Variants in CACNA1B observed in about 807,000 individuals in gnomAD.
The protein encoded by CACNA1B is calcium voltage-gated channel subunit alpha1 B.
Under a neutral mutation model 247.2 loss-of-function variants are expected in CACNA1B, and 70 were observed. The observed-to-expected ratio is 0.28, with a 90% confidence interval of 0.23 to 0.35. The LOEUF (loss-of-function observed/expected upper bound fraction) is 0.35. Ranked by LOEUF, CACNA1B falls within the 10% of genes least tolerant of loss-of-function variation. CACNA1B has a pLI of 1.00. For synonymous variants in CACNA1B, 1,231 were observed against 1,294.4 expected (o/e 0.95, Z 1.05); for missense variants, 2,367 against 3,197.4 (o/e 0.74, Z 6.26).
intron 15 of CACNA1B, among the ~76,000 whole-genome samples, chr9:138,003,716 C>G (rs1958610125): frequency 6.7e-6 from 1 of 149,466 alleles, no homozygotes; most frequent in South Asian, 2.1e-4. Context: ...GGTTGAAAGG[C>G]AGGGCACAGA....
intron 15 of CACNA1B, among the ~76,000 whole-genome samples, chr9:137,995,098 CTTG>C (rs1419751027): frequency 2.0e-5 from 3 of 151,650 alleles, no homozygotes; most frequent in Non-Finnish European, 2.9e-5. Flanking sequence ...ATCCCAGCTA[CTTG>C]GAAGGCTGAG....
intron 20 of CACNA1B, among the ~76,000 whole-genome samples, chr9:138,036,285 G>A (rs932419050): frequency 3.7e-4 from 57 of 152,156 alleles, no homozygotes; most frequent in Non-Finnish European, 6.6e-4. Flanking sequence ...GACTACAGGC[G>A]CCCGCCACCA....
rs4876892 is a variant in CACNA1B at position 137,884,966 on chromosome 9, C to T, written c.530+2083C>T. ...CCCTCCTCTCCCCTCTTCCCCCCCCCCCTCCTCCCACTTTGCCTGTCTAGC... is the reference window on the plus strand; with the variant it reads ...CCCTCCTCTCCCCTCTTCCCCCCCCTCCTCCTCCCACTTTGCCTGTCTAGC... On this transcript the variant is annotated intron_variant, in intron 3 of 46. Transcript: ENST00000371372. Among the ~76,000 whole-genome samples the T allele has an allele frequency of 1.0e-4, 11 of 107,718 alleles. No individual in the cohort carries two copies. The South Asian group carries it at 1.3e-3, about 13-fold the overall frequency. The allele number at this position is 107,718 out of a possible 152,430, so 70.7% of individuals were successfully genotyped here. A position where few individuals can be genotyped will look rare whatever the true frequency, so the allele number is the denominator to read the frequency against.
intron 6 of CACNA1B, among the ~76,000 whole-genome samples, chr9:137,921,431 A>G (rs999758318): frequency 3.1e-4 from 47 of 150,988 alleles, no homozygotes; most frequent in African/African-American, 1.1e-3. Context: ...CCACGACCGC[A>G]CAGCATCCTG....
intron 34 of CACNA1B, 84 bp downstream of exon 34, chr9:138,074,150 A>G (rs1960229608): frequency 2.1e-6 from 2 of 958,778 alleles, no homozygotes; most frequent in Non-Finnish European, 3.4e-6. Context: ...TTGTCAAATC[A>G]TCGTCATAAT....
chr9:137,955,260 G>A lies in CACNA1B; in HGVS notation c.1071-438G>A, dbSNP rs1211791801. On this transcript the variant is annotated intron_variant, in intron 7 of 46. Coordinates refer to ENST00000371372, the MANE Select transcript of CACNA1B (RefSeq NM_000718.4). The surrounding 1 kb of genome is among the most constrained non-coding windows in gnomAD (Gnocchi z 6.9). ...CATCTGAACCAACAGAGGAAGCAAAGTGAACGTTCTCCTCTGGAGAATTCT... is the reference window on the plus strand; with the variant it reads ...CATCTGAACCAACAGAGGAAGCAAAATGAACGTTCTCCTCTGGAGAATTCT... 6.6e-6 allele frequency among the ~76,000 whole-genome samples: 1 copy of A among 152,212 alleles called. No individual in the cohort carries two copies. Among genetic ancestry groups the A allele is most frequent in the Non-Finnish European group, 1.5e-5 (1 of 68,026 alleles).
In CACNA1B at chr9:137,880,084, C is replaced by A. The variant is rs1237716413; in HGVS notation, c.390+925C>A. ...TTCCCTTAAGCCTGGCTTCCGCCCC[C>A]ACTAGCATCCTGAGACAAGAGCTAT... On this transcript the variant is annotated intron_variant, in intron 2 of 46. Transcript: ENST00000371372. The surrounding 1 kb of genome is among the most constrained non-coding windows in gnomAD (Gnocchi z 4.8). 2.0e-5 allele frequency among the ~76,000 whole-genome samples: 3 copies of A among 152,216 alleles called. No individual in the cohort carries two copies. Among genetic ancestry groups the A allele is most frequent in the Non-Finnish European group, 4.4e-5 (3 of 68,036 alleles).
intron 21 of CACNA1B, among the ~76,000 whole-genome samples, chr9:138,044,673 G>T (rs1398546807): frequency 6.6e-6 from 1 of 152,320 alleles, no homozygotes; most frequent in Non-Finnish European, 1.5e-5. Context: ...ACAAGAGCTT[G>T]CCCGGCCAGA....
chr9:137,983,886 G>C (rs1958322277), intron 12 of CACNA1B, among the ~76,000 whole-genome samples: 1 of 125,650 alleles, frequency 8.0e-6, no homozygotes, highest in Non-Finnish European at 1.6e-5. Context: ...GTGTCCTCCT[G>C]GTGTGTCTGG....
At position 137,986,556 on chromosome 9, in the gene CACNA1B, C is replaced by G; in HGVS notation, c.1901+12C>G. On this transcript the variant is annotated intron_variant, in intron 14 of 46. Transcript: ENST00000371372. The surrounding 1 kb of genome is among the most constrained non-coding windows in gnomAD (Gnocchi z 6.0). ...CTGTTTGGGGGACAGTAAGTGGGCCCGGGAGGGAGAGCTCAAGGCTGGGGG... is the reference window on the plus strand; with the variant it reads ...CTGTTTGGGGGACAGTAAGTGGGCCGGGGAGGGAGAGCTCAAGGCTGGGGG... 6.2e-7 allele frequency: 1 copy of G among 1,613,380 alleles called. No homozygotes were observed. Among genetic ancestry groups the G allele is most frequent in the Non-Finnish European group, 8.5e-7 (1 of 1,179,632 alleles).
At chr9:138,028,222 C>G (rs1257564997) in intron 20 of CACNA1B, among the ~76,000 whole-genome samples, 1 of 151,776 alleles carries the variant, frequency 6.6e-6, no homozygotes, top group African/African-American at 2.4e-5. Flanking sequence ...AGGGTTTCGC[C>G]GTGTTGGCCA....
rs1192370616 is a variant in CACNA1B at position 137,888,567 on chromosome 9, C to T, written c.530+5684C>T. On this transcript the variant is annotated intron_variant, in intron 3 of 46. Transcript: ENST00000371372. The surrounding 1 kb of genome is among the most constrained non-coding windows in gnomAD (Gnocchi z 4.7). Reference sequence around the variant, plus strand: ...CAGGTGGCTCTCCGGGGGAGCTTTCCAACCACGGCTTCTTGTTTTAGTCTA... The same window carrying T: ...CAGGTGGCTCTCCGGGGGAGCTTTCTAACCACGGCTTCTTGTTTTAGTCTA... Among the ~76,000 whole-genome samples the T allele has an allele frequency of 6.6e-6, 1 of 152,226 alleles. No homozygotes were observed. The highest frequency in any genetic ancestry group is 1.5e-5 in the Non-Finnish European group (1 of 68,034).
Position 137,893,607 on chromosome 9 carries a change from C to T in CACNA1B, c.530+10724C>T, listed in dbSNP as rs1226488366. ...CGAAGCTTGCAGTGAGCTGAGATCGCGCCATTGCACTCCAGCCTGGGCGAC... is the reference window on the plus strand; with the variant it reads ...CGAAGCTTGCAGTGAGCTGAGATCGTGCCATTGCACTCCAGCCTGGGCGAC... On this transcript the variant is annotated intron_variant, in intron 3 of 46. Transcript: ENST00000371372. Among the ~76,000 whole-genome samples the T allele has an allele frequency of 4.7e-5, 7 of 150,534 alleles. No individual in the cohort carries two copies. In the South Asian group the frequency reaches 8.3e-4, roughly 18 times the overall value.
In CACNA1B at chr9:138,011,979, C is replaced by T. The variant is rs138909093; in HGVS notation, c.2161-1150C>T. On this transcript the variant is annotated intron_variant, in intron 17 of 46. Coordinates refer to ENST00000371372, the MANE Select transcript of CACNA1B (RefSeq NM_000718.4). The surrounding 1 kb of genome is among the most constrained non-coding windows in gnomAD (Gnocchi z 4.2). ...GCTTCCATTCTGAGGCCTGTGGTCT[C>T]AGCCGAGAACTATTGATCCGGAACC... Among the ~76,000 whole-genome samples the T allele has an allele frequency of 2.7e-3, 405 of 152,304 alleles. 1 individual carries two copies. The highest frequency in any genetic ancestry group is 4.3e-3 in the Non-Finnish European group (292 of 68,032).
chr9:138,078,615 G>T (rs80188877), intron 36 of CACNA1B, among the ~76,000 whole-genome samples: 1 of 152,150 alleles, frequency 6.6e-6, no homozygotes, highest in Non-Finnish European at 1.5e-5. Flanking sequence ...TGGGGAGGTC[G>T]GCAGGGCAGG....
At chr9:137,911,942 C>G (rs912342135) in intron 3 of CACNA1B, among the ~76,000 whole-genome samples, 2 of 152,054 alleles carry the variant, frequency 1.3e-5, no homozygotes, top group Non-Finnish European at 2.9e-5. Flanking sequence ...TGGTGCGATC[C>G]GCTGAGGGGA....
chr9:137,909,249 C>T (rs1957333989), intron 3 of CACNA1B, among the ~76,000 whole-genome samples: 1 of 152,198 alleles, frequency 6.6e-6, no homozygotes, highest in Admixed American at 6.5e-5. Flanking sequence ...CTCAGCCTCT[C>T]AAAGTGCTGG....
At chr9:138,060,581 C>T (rs577394428) in intron 31 of CACNA1B, among the ~76,000 whole-genome samples, 10 of 152,212 alleles carry the variant, frequency 6.6e-5, no homozygotes, top group African/African-American at 1.4e-4. Context: ...CTGCACCCTC[C>T]GCACGGCATT....
At chr9:138,022,715 C>G (rs1212506940) in intron 18 of CACNA1B, among the ~76,000 whole-genome samples, 1 of 152,102 alleles carries the variant, frequency 6.6e-6, no homozygotes, top group African/African-American at 2.4e-5. Flanking sequence ...TGGTGCATTC[C>G]CACTGTCCTG....
Sources: allele counts gnomAD v4.1 joint callset (sites outside exome capture counted in the v4.1 genomes callset), GRCh38; gene constraint gnomAD v4.1.1; non-coding constraint Gnocchi (gnomAD v3.1); transcripts MANE v1.5; gene names NCBI Gene and HGNC (gene_info 2026-07-23, HGNC 2026-07-21).